DNAH6: variants seen among roughly 807,000 people sequenced by gnomAD.
DNAH6 encodes dynein axonemal heavy chain 6, also known as axonemal beta dynein heavy chain 6.
A neutral mutation model predicts 491.4 loss-of-function variants in DNAH6; 340 were observed. That is an observed-to-expected ratio of 0.69 (90% CI 0.63 to 0.76). The LOEUF (loss-of-function observed/expected upper bound fraction) is 0.76. Among genes scored for constraint, DNAH6 ranks in the 30% least tolerant of loss-of-function variants. The pLI is 0.00. For missense variants in DNAH6, 4,443 were observed against 4,972.2 expected (o/e 0.89, Z 3.20); for synonymous variants, 1,603 against 1,686.1 (o/e 0.95, Z 1.21).
intron 4 of DNAH6, among the ~76,000 whole-genome samples, chr2:84,538,201 T>TCA (rs2104493731): frequency 6.6e-6 from 1 of 152,228 alleles, no homozygotes; most frequent in East Asian, 1.9e-4. Flanking sequence ...TGCATTTGTG[T>TCA]CACACACACT....
At chr2:84,581,615 G>A (rs186438326) in intron 14 of DNAH6, among the ~76,000 whole-genome samples, 4 of 152,224 alleles carry the variant, frequency 2.6e-5, no homozygotes, top group Admixed American at 2.6e-4. Flanking sequence ...GGCATTCCAG[G>A]GAGAGGGAAA....
intron 63 of DNAH6, among the ~76,000 whole-genome samples, chr2:84,762,065 G>C (rs944022317): frequency 6.6e-6 from 1 of 152,178 alleles, no homozygotes; most frequent in African/African-American, 2.4e-5. Flanking sequence ...GACAAGGCCA[G>C]CAAGAACAGG....
chr2:84,720,040 G>A (rs528189468), intron 59 of DNAH6, among the ~76,000 whole-genome samples: 1 of 152,196 alleles, frequency 6.6e-6, no homozygotes, highest in East Asian at 1.9e-4. Flanking sequence ...GAGAGGAGAA[G>A]GGCTAGGGTC....
At chr2:84,770,642 A>G (rs1675515228) in intron 64 of DNAH6, among the ~76,000 whole-genome samples, 1 of 152,166 alleles carries the variant, frequency 6.6e-6, no homozygotes, top group African/African-American at 2.4e-5. Flanking sequence ...GAACATGCAG[A>G]TAGGTCTATT....
At chr2:84,674,994 G>C (rs542623242) in intron 40 of DNAH6, among the ~76,000 whole-genome samples, 1 of 152,198 alleles carries the variant, frequency 6.6e-6, no homozygotes, top group South Asian at 2.1e-4. Flanking sequence ...TATCCCCCAC[G>C]GCATGCCTTT....
At chr2:84,654,514 T>G in intron 34 of DNAH6, 146 bp from the exon 35 acceptor site, 1 of 1,034,036 alleles carries the variant, frequency 9.7e-7, no homozygotes. Flanking sequence ...TAATTACTTA[T>G]TGCTCTCCCA....
At chr2:84,779,446 A>G (rs137948506) in intron 64 of DNAH6, among the ~76,000 whole-genome samples, 1 of 152,190 alleles carries the variant, frequency 6.6e-6, no homozygotes, top group Admixed American at 6.5e-5. Context: ...TTTCTACAAT[A>G]TAAGAATAGT....
At chr2:84,525,271 T>C (rs1411812885) in intron 2 of DNAH6, among the ~76,000 whole-genome samples, 4 of 152,104 alleles carry the variant, frequency 2.6e-5, no homozygotes, top group Admixed American at 1.3e-4. Context: ...TAATGGATAA[T>C]TAGGGAGTAT....
chr2:84,797,652 C>T lies in DNAH6; in HGVS notation c.11475C>T (p.Val3825=). 1.9e-6 allele frequency: 3 copies of T among 1,550,970 alleles called. No individual in the cohort carries two copies. The highest frequency in any genetic ancestry group is 2.6e-6 in the Non-Finnish European group (3 of 1,146,474). The part of the protein sequence containing the change: ...IFGMHENANL[V]FQYKETSTLI... ...GAATGCATGAAAATGCTAATCTAGTCTTCCAGGTATGTGGCCTTTCATCTT... is the reference window on the plus strand; with the variant it reads ...GAATGCATGAAAATGCTAATCTAGTTTTCCAGGTATGTGGCCTTTCATCTT... Residue 3825 remains valine, a synonymous_variant, in exon 70 of 77, where the codon GTC becomes GTT. Coordinates refer to ENST00000389394, the MANE Select transcript of DNAH6 (RefSeq NM_001370.2).
At position 84,733,049 on chromosome 2, in the gene DNAH6, C is replaced by T. The variant is rs182926054; in HGVS notation, c.10207-395C>T. 1.8e-4 allele frequency among the ~76,000 whole-genome samples: 27 copies of T among 152,346 alleles called. No individual in the cohort carries two copies. In the East Asian group the frequency reaches 4.8e-3, roughly 27 times the overall value. On this transcript the variant is annotated intron_variant, in intron 61 of 76. Coordinates refer to ENST00000389394, the MANE Select transcript of DNAH6 (RefSeq NM_001370.2). ...GTCTTGCTACTGATACTGCTCCATA[C>T]TCAGCTTTCTGTATCTTCTAGGGGT...
At chr2:84,483,324 A>T in the DNAH6 span, among the ~76,000 whole-genome samples, 2 of 152,162 alleles carry the variant, frequency 1.3e-5, no homozygotes, top group African/African-American at 4.8e-5. Flanking sequence ...GGCATTTGGC[A>T]ACTCCCTGCT....
At chr2:84,715,663 T>C (rs891111183) in intron 58 of DNAH6, 36 bp downstream of exon 58, 10 of 1,439,524 alleles carry the variant, frequency 6.9e-6, no homozygotes, top group Admixed American at 2.0e-5. Flanking sequence ...GGGAAGGGGG[T>C]ATTGTGGGTT....
chr2:84,669,389 A>G lies in DNAH6; in HGVS notation c.6185A>G (p.Asp2062Gly), dbSNP rs1197556383. Reference sequence around the variant, plus strand: ...ATACCTACTTTCAAATACAACCGAGATGTTCCATTTTTTGAAATGCTTGTC... The same window carrying G: ...ATACCTACTTTCAAATACAACCGAGGTGTTCCATTTTTTGAAATGCTTGTC... ...RIIPTFKYNR[D>G]VPFFEMLVPT... The change falls in exon 38 of 77, where the codon GAT becomes GGT. Residue 2062 changes from aspartate to glycine, a missense_variant. By Grantham distance (94) the Asp-to-Gly change is moderately conservative (BLOSUM62 -1). Coordinates refer to ENST00000389394, the MANE Select transcript of DNAH6 (RefSeq NM_001370.2). The G allele has an allele frequency of 6.4e-7, 1 of 1,551,536 alleles. No homozygotes were observed.
chr2:84,670,527 A>G, intron 39 of DNAH6, 52 bp downstream of exon 39: 1 of 1,197,568 alleles, frequency 8.4e-7, no homozygotes, highest in Non-Finnish European at 1.2e-6. Flanking sequence ...TTAAGCTAAT[A>G]AATGACATAA....
At chr2:84,801,238 A>G (rs1415987152) in intron 70 of DNAH6, among the ~76,000 whole-genome samples, 1 of 151,562 alleles carries the variant, frequency 6.6e-6, no homozygotes, top group Non-Finnish European at 1.5e-5. Flanking sequence ...CTAAAACTTA[A>G]AGTATAATTA....
At chr2:84,694,518 T>C (rs1695196474) in intron 46 of DNAH6, 38 bp downstream of exon 46, 21 of 1,427,708 alleles carry the variant, frequency 1.5e-5, no homozygotes, top group Non-Finnish European at 1.8e-5. Context: ...GAACAGGAAA[T>C]GTATGGGTGT....
chr2:84,785,238 C>CGTCAT (rs1285259617), intron 66 of DNAH6, among the ~76,000 whole-genome samples: 7 of 152,218 alleles, frequency 4.6e-5, no homozygotes, highest in Admixed American at 1.3e-4. Flanking sequence ...CCCTGTCCCA[C>CGTCAT]GTCATGGGAC....
At chr2:84,803,838 C>T (rs916630861) in intron 70 of DNAH6, among the ~76,000 whole-genome samples, 9 of 152,030 alleles carry the variant, frequency 5.9e-5, no homozygotes, top group Admixed American at 2.6e-4. Flanking sequence ...AAAATATCGC[C>T]TCTACTTAAT....
rs576069875 is a variant in DNAH6, at chr2:84,661,370, A to G, written c.6084+2201A>G. On this transcript the variant is annotated intron_variant, in intron 37 of 76. Transcript: ENST00000389394. ...GCAAGAAAAAGAAATAAGACATACA[A>G]ACTTTGGAAAGGAAGAAGTAAAATA... is the stretch of plus-strand genomic sequence containing the variant. Among the ~76,000 whole-genome samples the G allele has an allele frequency of 7.9e-5, 12 of 152,286 alleles. No individual in the cohort carries two copies. In the South Asian group the frequency reaches 2.1e-3, roughly 26 times the overall value.
Sources: allele counts gnomAD v4.1 joint callset (sites outside exome capture counted in the v4.1 genomes callset), GRCh38; gene constraint gnomAD v4.1.1; transcripts MANE v1.5; gene names NCBI Gene and HGNC (gene_info 2026-07-23, HGNC 2026-07-21).